The following PLSCR5 variants were observed in gnomAD, a reference collection of about 807,000 sequenced individuals.
PLSCR5 encodes the protein phospholipid scramblase family member 5, also known as phospholipid scramblase family, member 5.
A neutral mutation model predicts 33.6 loss-of-function variants in PLSCR5; 44 were observed. That is an observed-to-expected ratio of 1.31 (90% CI 1.03 to 1.69). The LOEUF is 1.69. Among genes scored for constraint, PLSCR5 ranks in the 40% most tolerant of loss-of-function variants. The pLI is 0.00. For synonymous variants in PLSCR5, 148 were observed against 112.3 expected (o/e 1.32, Z -2.01); for missense variants, 375 against 318.7 (o/e 1.18, Z -1.34).
chr3:146,585,060 C>A (rs563733313), downstream of PLSCR5, among the ~76,000 whole-genome samples: 1 of 152,174 alleles, frequency 6.6e-6, no homozygotes, highest in East Asian at 1.9e-4. Flanking sequence ...TCATTCATAA[C>A]AAATTTTCCT....
chr3:146,594,767 A>G (rs1286606679), intron 3 of PLSCR5, among the ~76,000 whole-genome samples: 1 of 152,124 alleles, frequency 6.6e-6, no homozygotes, highest in Non-Finnish European at 1.5e-5. Context: ...AAATGATCAA[A>G]TACCTTTTAC....
At chr3:146,601,596 C>T (rs1052593928) in intron 1 of PLSCR5, among the ~76,000 whole-genome samples, 1 of 149,892 alleles carries the variant, frequency 6.7e-6, no homozygotes, top group African/African-American at 2.4e-5. Context: ...GAAATTGCTT[C>T]TGCATTGACA....
rs2044662177 is a variant in PLSCR5 at position 146,585,893 on chromosome 3, AAGC to A, written c.*91_*93del. 2 of 530,900 alleles carry A rather than the reference AAGC, an allele frequency of 3.8e-6. No homozygotes were observed. Among genetic ancestry groups the A allele is most frequent in the Non-Finnish European group, 6.0e-6 (2 of 333,724 alleles). 32.9% of individuals were successfully genotyped at this position (530,900 alleles called of 1,614,324 possible). On this transcript the variant is annotated 3_prime_UTR_variant, in exon 8 of 8. Coordinates refer to ENST00000443512, the MANE Select transcript of PLSCR5 (RefSeq NM_001085420.2). ...TAATTAACATTTTTTTTTAACAAAA[AAGC>A]AAACATTCAAACCATTCAGAAATGA...
At chr3:146,581,893 A>G (rs948245593), downstream of PLSCR5, among the ~76,000 whole-genome samples, 1 of 152,230 alleles carries the variant, frequency 6.6e-6, no homozygotes, top group African/African-American at 2.4e-5. Flanking sequence ...CTTGAAGTAA[A>G]CCAGAAATTA....
At position 146,591,788 on chromosome 3, in the gene PLSCR5, T is replaced by C; in HGVS notation, c.547A>G (p.Lys183Glu). The C allele has an allele frequency of 1.2e-6, 2 of 1,612,308 alleles. No individual in the cohort carries two copies. Among genetic ancestry groups the C allele is most frequent in the Non-Finnish European group, 1.7e-6 (2 of 1,178,988 alleles). Residue 183 changes from lysine to glutamate, a missense_variant, in exon 5 of 8, where the codon AAA becomes GAA. By Grantham distance (56) the Lys-to-Glu change is moderately conservative. Coordinates refer to ENST00000443512, the MANE Select transcript of PLSCR5 (RefSeq NM_001085420.2). ...CCAACAATTTTCAAAATATCTTCTT[T>C]GTTTGCATTTTGGATTGTGAATTTA... Reference protein sequence around the residue: ...LPKFTIQNANKEDILKIVGPC... With the variant: ...LPKFTIQNANEEDILKIVGPC...
chr3:146,582,810 T>C (rs1469549539), downstream of PLSCR5, among the ~76,000 whole-genome samples: 2 of 152,152 alleles, frequency 1.3e-5, no homozygotes, highest in Non-Finnish European at 2.9e-5. Context: ...GGTCACAAGA[T>C]TTACAACTTT....
chr3:146,587,543 G>A (rs2107848991), intron 6 of PLSCR5, among the ~76,000 whole-genome samples: 1 of 152,150 alleles, frequency 6.6e-6, no homozygotes, highest in Admixed American at 6.5e-5. Context: ...GGGTGTGTGT[G>A]TGGAGGGGTT....
At chr3:146,581,791 AT>A (rs1316452279), downstream of PLSCR5, among the ~76,000 whole-genome samples, 3 of 152,170 alleles carry the variant, frequency 2.0e-5, no homozygotes, top group Non-Finnish European at 4.4e-5. Context: ...TACATGATAA[AT>A]ATTACACTTT....
At chr3:146,595,651 C>A (rs1229713096) in intron 2 of PLSCR5, among the ~76,000 whole-genome samples, 1 of 152,090 alleles carries the variant, frequency 6.6e-6, no homozygotes, top group Non-Finnish European at 1.5e-5. Context: ...ACAGAACTAA[C>A]TCTGTGTTAA....
At chr3:146,583,639 T>C (rs562416984), downstream of PLSCR5, among the ~76,000 whole-genome samples, 1 of 152,202 alleles carries the variant, frequency 6.6e-6, no homozygotes, top group Admixed American at 6.5e-5. Context: ...TGGGTCTCAG[T>C]TTATTGTACT....
At chr3:146,590,197 C>G (rs2044702444) in intron 5 of PLSCR5, 1 of 155,520 alleles carries the variant, frequency 6.4e-6, no homozygotes. Context: ...AATTCTCCAT[C>G]TTAAAAATGT....
intron 6 of PLSCR5, among the ~76,000 whole-genome samples, chr3:146,587,235 A>C (rs2044673578): frequency 6.6e-6 from 1 of 152,148 alleles, no homozygotes. Flanking sequence ...CCACACTTTG[A>C]GTATGACCTA....
intron 2 of PLSCR5, 92 bp from the exon 3 acceptor site, chr3:146,595,175 A>G (rs1295606293): frequency 1.6e-6 from 1 of 627,548 alleles, no homozygotes; most frequent in African/African-American, 1.9e-5. Flanking sequence ...ACTATATTAC[A>G]TAAAATTAGT....
intron 1 of PLSCR5, among the ~76,000 whole-genome samples, chr3:146,600,665 G>GTAGTAGTT (rs2044805758): frequency 6.6e-6 from 1 of 151,722 alleles, no homozygotes; most frequent in Non-Finnish European, 1.5e-5. Flanking sequence ...AAGACTGCTG[G>GTAGTAGTT]TAGTAGTTGT....
chr3:146,586,232 T>C, intron 6 of PLSCR5, 120 bp from the exon 7 acceptor site: 1 of 1,018,488 alleles, frequency 9.8e-7, no homozygotes, highest in Non-Finnish European at 1.3e-6. Flanking sequence ...GTTCCAGTAT[T>C]ATGATTTAAC....
rs757731129 is a variant in PLSCR5, at chr3:146,594,094, G to A, written c.279C>T (p.Ser93=). The A allele has an allele frequency of 6.2e-7, 1 of 1,613,658 alleles. No homozygotes were observed. The highest frequency in any genetic ancestry group is 1.7e-5 in the Admixed American group (1 of 59,980). ...CTGCAAAGTAAATTCTTTGTCCCAAGCTGTTTTTAATCTCATATTTGTTGG... is the reference window on the plus strand; with the variant it reads ...CTGCAAAGTAAATTCTTTGTCCCAAACTGTTTTTAATCTCATATTTGTTGG... ...ETSNKYEIKN[S]LGQRIYFAVE... is the part of the protein sequence containing the mutation. The change falls in exon 4 of 8, where the codon AGC becomes AGT. Residue 93 remains serine, a synonymous_variant. Coordinates refer to ENST00000443512, the MANE Select transcript of PLSCR5 (RefSeq NM_001085420.2).
intron 6 of PLSCR5, among the ~76,000 whole-genome samples, chr3:146,587,629 G>A (rs80074965): frequency 0.01 from 1,573 of 152,054 alleles, 25 homozygotes; most frequent in African/African-American, 0.036. Flanking sequence ...ACTGTCCAGT[G>A]GATAGAGGAG....
At position 146,594,160 on chromosome 3, in the gene PLSCR5, A is replaced by T. The variant is rs772822665; in HGVS notation, c.233-20T>A. On this transcript the variant is annotated intron_variant, in intron 3 of 7. Transcript: ENST00000443512. ...GTATCACTAATGGAACAAAAAAAAAATTATAAAAACATTTTTTTCCTTAGT... is the reference window on the plus strand; with the variant it reads ...GTATCACTAATGGAACAAAAAAAAATTTATAAAAACATTTTTTTCCTTAGT... 4 of 1,461,186 alleles carry T rather than the reference A, an allele frequency of 2.7e-6. No homozygotes were observed. The highest frequency in any genetic ancestry group is 3.8e-6 in the Non-Finnish European group (4 of 1,053,350). 90.5% of individuals were successfully genotyped at this position (1,461,186 alleles called of 1,614,324 possible).
chr3:146,582,997 C>T (rs181176910), downstream of PLSCR5, among the ~76,000 whole-genome samples: 4 of 152,100 alleles, frequency 2.6e-5, no homozygotes, highest in African/African-American at 4.8e-5. Context: ...CACACCCCTA[C>T]GTTTGTATCC....
Sources: allele counts gnomAD v4.1 joint callset (sites outside exome capture counted in the v4.1 genomes callset), GRCh38; gene constraint gnomAD v4.1.1; transcripts MANE v1.5; gene names NCBI Gene and HGNC (gene_info 2026-07-23, HGNC 2026-07-21).